The following ST8SIA5 variants were observed in gnomAD, a reference collection of about 807,000 sequenced individuals.
ST8SIA5 encodes the protein ST8 alpha-N-acetyl-neuraminide alpha-2,8-sialyltransferase 5, also known as alpha-2,8-sialyltransferase 8E.
A neutral mutation model predicts 40.2 loss-of-function variants in ST8SIA5; 24 were observed. The ratio of observed to expected loss-of-function variants is 0.60; its 90% CI spans 0.43 to 0.84. The LOEUF (loss-of-function observed/expected upper bound fraction) is 0.84. Among genes scored for constraint, ST8SIA5 ranks in the 40% least tolerant of loss-of-function variants. The pLI is 0.00. For missense variants in ST8SIA5, 465 were observed against 498.5 expected (o/e 0.93, Z 0.64); for synonymous variants, 198 against 201.8 (o/e 0.98, Z 0.16).
intron 3 of ST8SIA5, among the ~76,000 whole-genome samples, chr18:46,691,196 G>C (rs2039501870): frequency 6.6e-6 from 1 of 152,188 alleles, no homozygotes; most frequent in South Asian, 2.1e-4. Context: ...GCCTTTGCTT[G>C]GTTTCTGTAG....
intron 4 of ST8SIA5, among the ~76,000 whole-genome samples, chr18:46,687,631 C>T (rs142344690): frequency 9.9e-5 from 15 of 152,252 alleles, no homozygotes; most frequent in African/African-American, 2.6e-4. Context: ...ACACATTTGA[C>T]GCCGCTCACC....
At chr18:46,701,159 T>A (rs1355777057) in intron 2 of ST8SIA5, among the ~76,000 whole-genome samples, 2 of 103,894 alleles carry the variant, frequency 1.9e-5, no homozygotes, top group Non-Finnish European at 4.2e-5. Flanking sequence ...TTTTTTTTTT[T>A]AGGTGGTGTC....
chr18:46,692,021 C>T (rs1181783685), intron 3 of ST8SIA5, 148 bp downstream of exon 3: 2 of 743,872 alleles, frequency 2.7e-6, no homozygotes, highest in African/African-American at 1.7e-5. Flanking sequence ...CAGATCTCCC[C>T]CACTGCCCGG....
At chr18:46,714,149 T>C (rs16939988) in intron 1 of ST8SIA5, among the ~76,000 whole-genome samples, 43,354 of 151,862 alleles carry the variant, frequency 0.29, 6,813 homozygotes, top group Middle Eastern at 0.41. Context: ...GGGAGCTTCA[T>C]GACCTGCTAT....
intron 1 of ST8SIA5, among the ~76,000 whole-genome samples, chr18:46,717,240 C>T (rs2039801611): frequency 6.6e-6 from 1 of 152,208 alleles, no homozygotes; most frequent in Non-Finnish European, 1.5e-5. Flanking sequence ...CCTCTATCCT[C>T]CTCTGCCTTC....
chr18:46,718,092 G>T (rs1001735295), intron 1 of ST8SIA5, among the ~76,000 whole-genome samples: 7 of 152,146 alleles, frequency 4.6e-5, no homozygotes, highest in Admixed American at 1.3e-4. Flanking sequence ...ACCTTGGGAG[G>T]CTGAGGCAGG....
chr18:46,689,636 C>T (rs1212723707), intron 3 of ST8SIA5, among the ~76,000 whole-genome samples: 6 of 147,702 alleles, frequency 4.1e-5, no homozygotes, highest in South Asian at 2.1e-4. Context: ...TTCAATGGTG[C>T]GATCTCGGCT....
At position 46,677,837 on chromosome 18, in the gene ST8SIA5, C is replaced by T. The variant is rs2039350343; in HGVS notation, c.*2205G>A. 3.3e-5 allele frequency: 5 copies of T among 152,248 alleles called. No homozygotes were observed. The South Asian group carries it at 1.0e-3, about 31-fold the overall frequency. The allele number at this position is 152,248 out of a possible 1,614,324, so 9.4% of individuals were successfully genotyped here. A position where few individuals can be genotyped will look rare whatever the true frequency, so the allele number is the denominator to read the frequency against. On this transcript the variant is annotated 3_prime_UTR_variant, in exon 7 of 7. Transcript: ENST00000315087. ...CTGCCCATCTGGAACATAACTAGTA[C>T]CCAGAGGGCTTCCAGTAGAGGGCTC...
Position 46,671,803 on chromosome 18 carries a change from C to G in ST8SIA5, c.*8239G>C, listed in dbSNP as rs775099047. The G allele has an allele frequency of 4.6e-5, 7 of 152,274 alleles. No homozygotes were observed. The highest frequency in any genetic ancestry group is 8.8e-5 in the Non-Finnish European group (6 of 68,070). 9.4% of individuals were successfully genotyped at this position (152,274 alleles called of 1,614,324 possible). A position where few individuals can be genotyped will look rare whatever the true frequency, so the allele number is the denominator to read the frequency against. ...AAAAGCTGGTACCTTTAAGAAGTCT[C>G]ACGCCTGAGTCAGACTGAGGGAAGG... On this transcript the variant is annotated 3_prime_UTR_variant, in exon 7 of 7. Transcript: ENST00000315087.
intron 1 of ST8SIA5, among the ~76,000 whole-genome samples, chr18:46,735,066 T>C (rs2040020853): frequency 6.6e-6 from 1 of 152,254 alleles, no homozygotes; most frequent in Non-Finnish European, 1.5e-5. Context: ...CTGAGTCTCC[T>C]GGCCTTCATC....
At position 46,669,609 on chromosome 18, in the gene ST8SIA5, A is replaced by T. The variant is rs2039296687; in HGVS notation, c.*10433T>A. 6.6e-6 allele frequency: 1 copy of T among 152,264 alleles called. No homozygotes were observed. Among genetic ancestry groups the T allele is most frequent in the South Asian group, 2.1e-4 (1 of 4,830 alleles). The allele number at this position is 152,264 out of a possible 1,614,324, so 9.4% of individuals were successfully genotyped here. A position where few individuals can be genotyped will look rare whatever the true frequency, so the allele number is the denominator to read the frequency against. On this transcript the variant is annotated 3_prime_UTR_variant, in exon 7 of 7. Coordinates refer to ENST00000315087, the MANE Select transcript of ST8SIA5 (RefSeq NM_013305.6). The stretch of plus-strand genomic sequence containing the variant: ...CCCACACAATAAGGACAACACAAGC[A>T]GAATCAGAGGTGCAGAAAGAGGATG...
At chr18:46,697,641 G>A (rs2039569555) in intron 2 of ST8SIA5, among the ~76,000 whole-genome samples, 1 of 152,154 alleles carries the variant, frequency 6.6e-6, no homozygotes, top group Non-Finnish European at 1.5e-5. Flanking sequence ...AGGAGTTCAA[G>A]GCTGCAGTAA....
rs1441687862 is a variant in ST8SIA5, at chr18:46,677,848, T to C, written c.*2194A>G. On this transcript the variant is annotated 3_prime_UTR_variant, in exon 7 of 7. Transcript: ENST00000315087. ...GAACATAACTAGTACCCAGAGGGCT[T>C]CCAGTAGAGGGCTCTGTCCACAGCA... is the stretch of plus-strand genomic sequence containing the variant. 6.6e-6 allele frequency: 1 copy of C among 152,226 alleles called. No individual in the cohort carries two copies. The highest frequency in any genetic ancestry group is 1.5e-5 in the Non-Finnish European group (1 of 68,048). 9.4% of individuals were successfully genotyped at this position (152,226 alleles called of 1,614,324 possible). A position where few individuals can be genotyped will look rare whatever the true frequency, so the allele number is the denominator to read the frequency against.
chr18:46,708,117 A>G lies in ST8SIA5; in HGVS notation c.132-3453T>C, dbSNP rs1049679209. Among the ~76,000 whole-genome samples the G allele has an allele frequency of 2.0e-4, 30 of 152,260 alleles. 2 individuals carry two copies. The highest frequency in any genetic ancestry group is 6.7e-4 in the African/African-American group (28 of 41,562). On this transcript the variant is annotated intron_variant, in intron 1 of 6. Transcript: ENST00000315087. Reference sequence around the variant, plus strand: ...CCACTGGCACACAGGAACTACCCCAAAAATGCTCATTCCCCTCTGTCCTCT... The same window carrying G: ...CCACTGGCACACAGGAACTACCCCAGAAATGCTCATTCCCCTCTGTCCTCT...
chr18:46,689,113 G>A, intron 3 of ST8SIA5, 194 bp from the exon 4 acceptor site: 1 of 544,014 alleles, frequency 1.8e-6, no homozygotes. Flanking sequence ...ACCCTGCATG[G>A]AGCCGAGGCC....
intron 2 of ST8SIA5, among the ~76,000 whole-genome samples, chr18:46,697,515 T>G (rs1007981139): frequency 1.3e-5 from 2 of 152,072 alleles, no homozygotes; most frequent in African/African-American, 4.8e-5. Context: ...GCCTGAGCAA[T>G]GTAACAAGAT....
intron 1 of ST8SIA5, among the ~76,000 whole-genome samples, chr18:46,715,743 C>T (rs113241743): frequency 0.02 from 3,039 of 151,892 alleles, 92 homozygotes; most frequent in African/African-American, 0.069. Context: ...CCATGTCTAG[C>T]TATTTTTTTT....
intron 1 of ST8SIA5, among the ~76,000 whole-genome samples, chr18:46,732,464 G>A (rs1039402003): frequency 6.6e-6 from 1 of 152,164 alleles, no homozygotes; most frequent in Non-Finnish European, 1.5e-5. Flanking sequence ...TCAGCCTTCT[G>A]GCCTCATGCA....
At chr18:46,745,182 A>G (rs1383944948) in intron 1 of ST8SIA5, among the ~76,000 whole-genome samples, 1 of 152,230 alleles carries the variant, frequency 6.6e-6, no homozygotes, top group Non-Finnish European at 1.5e-5. Flanking sequence ...AAATACATTC[A>G]AAAGCTAGCA....
Sources: gnomAD v4.1 joint callset for allele counts (sites outside exome capture counted in the v4.1 genomes callset) on GRCh38, gnomAD v4.1.1 for gene constraint, MANE v1.5 for transcripts, NCBI Gene and HGNC (gene_info 2026-07-23, HGNC 2026-07-21) for gene names.